Variants in SOBP observed in about 807,000 individuals in gnomAD.
The protein encoded by SOBP is sine oculis binding protein homolog, also known as sine oculis-binding protein homolog.
A neutral mutation model predicts 53.6 loss-of-function variants in SOBP; 4 were observed. The ratio of observed to expected loss-of-function variants is 0.07; its 90% CI spans 0.04 to 0.17. The LOEUF is 0.17. Among genes scored for constraint, SOBP ranks in the 10% least tolerant of loss-of-function variants. SOBP has a pLI of 1.00. For missense variants in SOBP, 1,088 were observed against 1,204.7 expected, an observed-to-expected ratio of 0.90 and a Z score of 1.43; for synonymous variants, 584 against 522.6, an observed-to-expected ratio of 1.12 and a Z score of -1.60.
Position 107,643,494 on chromosome 6 carries a change from A to G in SOBP, c.*3+8025A>G, listed in dbSNP as rs978295592. Among the ~76,000 whole-genome samples the G allele has an allele frequency of 3.3e-5, 5 of 151,922 alleles. No homozygotes were observed. The South Asian group carries it at 6.2e-4, about 19-fold the overall frequency. On this transcript the variant is annotated intron_variant, in intron 6 of 6. Transcript: ENST00000317357. ...TGCAGTGACGCGATCTCGGCCCACT[A>G]TAACCTCTGCCTTCTGGGTTCAAGC...
At chr6:107,579,863 C>T (rs1369036441) in intron 4 of SOBP, among the ~76,000 whole-genome samples, 1 of 152,180 alleles carries the variant, frequency 6.6e-6, no homozygotes, top group Non-Finnish European at 1.5e-5. Context: ...AAGTCCATCT[C>T]ATCCATCAGA....
chr6:107,634,040 T>A lies in SOBP; in HGVS notation c.1196T>A (p.Met399Lys). 4 of 1,610,416 alleles carry A rather than the reference T, an allele frequency of 2.5e-6. No homozygotes were observed. The highest frequency in any genetic ancestry group is 3.4e-6 in the Non-Finnish European group (4 of 1,178,104). The change falls in exon 6 of 7, where the codon ATG becomes AAG. Residue 399 changes from methionine to lysine, a missense_variant. Met to Lys is a moderately conservative substitution (Grantham distance 95). This residue lies in a region of SOBP where 211 missense variants were observed against 258.9 expected (regional missense o/e 0.82). Transcript: ENST00000317357. This position sits in a 1 kb window ranked among gnomAD's most constrained non-coding sequence, Gnocchi z 4.5. The part of the protein sequence containing the change: ...NRGPVPLPIF[M>K]EQQIMQQIRP... ...GGCCCGGTGCCGCTGCCCATCTTCA[T>A]GGAGCAGCAGATCATGCAGCAGATC...
At chr6:107,579,945 G>C (rs1438462644) in intron 4 of SOBP, among the ~76,000 whole-genome samples, 4 of 152,204 alleles carry the variant, frequency 2.6e-5, no homozygotes, top group African/African-American at 9.7e-5. Context: ...AAGGAGGATG[G>C]AGAATTAGGA....
At chr6:107,531,926 A>G (rs1401439973) in intron 3 of SOBP, among the ~76,000 whole-genome samples, 3 of 152,178 alleles carry the variant, frequency 2.0e-5, no homozygotes, top group East Asian at 1.9e-4. Context: ...GAAAAAAGCC[A>G]TATCTCTGCA....
intron 4 of SOBP, among the ~76,000 whole-genome samples, chr6:107,554,603 G>T (rs1020956308): frequency 1.3e-5 from 2 of 152,176 alleles, no homozygotes; most frequent in African/African-American, 4.8e-5. Context: ...GAGGGCTGCT[G>T]GGGGAAGTAG....
intron 3 of SOBP, among the ~76,000 whole-genome samples, chr6:107,531,607 C>A (rs1783826617): frequency 6.6e-6 from 1 of 151,602 alleles, no homozygotes; most frequent in Admixed American, 6.6e-5. Context: ...TAAAAGCTTG[C>A]TTTTATTTAT....
At chr6:107,645,426 A>G (rs1771511858) in intron 6 of SOBP, among the ~76,000 whole-genome samples, 1 of 151,812 alleles carries the variant, frequency 6.6e-6, no homozygotes, top group African/African-American at 2.4e-5. Flanking sequence ...TGTGTTATTA[A>G]AAGATGAGAG....
At chr6:107,642,480 C>T (rs577744516) in intron 6 of SOBP, among the ~76,000 whole-genome samples, 1 of 152,370 alleles carries the variant, frequency 6.6e-6, no homozygotes, top group African/African-American at 2.4e-5. Context: ...TTACCTAACT[C>T]TGCCACTCCT....
Position 107,634,616 on chromosome 6 carries a change from C to A in SOBP, c.1772C>A (p.Ser591Ter). Residue 591 changes from serine (S) to a stop codon, truncating the protein, a stop_gained, in exon 6 of 7, where the codon TCG (serine) becomes TAG (stop). Transcript: ENST00000317357. LOFTEE classifies it high-confidence loss of function. This position sits in a 1 kb window ranked among gnomAD's most constrained non-coding sequence, Gnocchi z 4.5. ...TCCCCCCGGGACTCCAAGCAGGGCTCGTCCAAGTCCGCGGACTCGCCCCCC... is the reference window on the plus strand; with the variant it reads ...TCCCCCCGGGACTCCAAGCAGGGCTAGTCCAAGTCCGCGGACTCGCCCCCC... Reference protein sequence around the residue: ...SLSPRDSKQGSSKSADSPPGC... With the variant: ...SLSPRDSKQG 1 of 1,594,272 alleles carries A rather than the reference C, an allele frequency of 6.3e-7. No individual in the cohort carries two copies. The highest frequency in any genetic ancestry group is 8.5e-7 in the Non-Finnish European group (1 of 1,176,394).
chr6:107,615,122 C>T (rs1260890765), intron 5 of SOBP, among the ~76,000 whole-genome samples: 1 of 152,128 alleles, frequency 6.6e-6, no homozygotes, highest in Non-Finnish European at 1.5e-5. Flanking sequence ...CTGCGGCACC[C>T]ATGGGGACTG....
intron 1 of SOBP, among the ~76,000 whole-genome samples, chr6:107,493,612 T>C (rs1303856129): frequency 6.6e-6 from 1 of 152,114 alleles, no homozygotes; most frequent in Admixed American, 6.6e-5. Flanking sequence ...AAAGGACTGG[T>C]GTGTATGTGA....
At chr6:107,586,066 G>T (rs1785556822) in intron 4 of SOBP, among the ~76,000 whole-genome samples, 1 of 152,154 alleles carries the variant, frequency 6.6e-6, no homozygotes, top group South Asian at 2.1e-4. Flanking sequence ...CTTCCTGTGC[G>T]GCTCTCCCTG....
chr6:107,651,844 A>G (rs1022874942), intron 6 of SOBP, among the ~76,000 whole-genome samples: 7 of 152,156 alleles, frequency 4.6e-5, no homozygotes, highest in African/African-American at 1.7e-4. Flanking sequence ...GAATTATGCT[A>G]AATCTACTCT....
chr6:107,496,421 C>T (rs1478978754), intron 1 of SOBP, among the ~76,000 whole-genome samples: 1 of 152,162 alleles, frequency 6.6e-6, no homozygotes, highest in Non-Finnish European at 1.5e-5. Flanking sequence ...CAGTAAAACA[C>T]CATACATTTT....
intron 4 of SOBP, among the ~76,000 whole-genome samples, chr6:107,552,357 A>T (rs1450633039): frequency 3.3e-5 from 5 of 152,200 alleles, no homozygotes; most frequent in Middle Eastern, 3.2e-3. Flanking sequence ...CAGATAGTAA[A>T]AGGGAATGCT....
At chr6:107,499,161 C>A (rs546359550) in intron 1 of SOBP, among the ~76,000 whole-genome samples, 1 of 152,050 alleles carries the variant, frequency 6.6e-6, no homozygotes, top group Non-Finnish European at 1.5e-5. Flanking sequence ...TTTGCAATTG[C>A]GGATACATTG....
At chr6:107,579,990 C>T (rs552315783) in intron 4 of SOBP, among the ~76,000 whole-genome samples, 1 of 152,242 alleles carries the variant, frequency 6.6e-6, no homozygotes, top group Admixed American at 6.5e-5. Context: ...TTCCTACAGC[C>T]TACATACTAA....
chr6:107,637,624 G>A (rs1771107178), intron 6 of SOBP, among the ~76,000 whole-genome samples: 2 of 152,312 alleles, frequency 1.3e-5, no homozygotes, highest in African/African-American at 4.8e-5. Flanking sequence ...AAGTCAGAAA[G>A]CATTGGGAAT....
chr6:107,490,794 G>T (rs935997900), intron 1 of SOBP, 82 bp downstream of exon 1: 3 of 1,065,048 alleles, frequency 2.8e-6, no homozygotes, highest in Non-Finnish European at 4.2e-6. Context: ...GATCTGGGGG[G>T]TACCGGGGCG....
Sources: gnomAD v4.1 joint callset for allele counts (sites outside exome capture counted in the v4.1 genomes callset) on GRCh38, gnomAD v4.1.1 for gene constraint, gnomAD v4.1.1 regional missense constraint, Gnocchi (gnomAD v3.1) non-coding constraint, MANE v1.5 for transcripts, NCBI Gene and HGNC (gene_info 2026-07-23, HGNC 2026-07-21) for gene names.